NELL1: variants seen among roughly 807,000 people sequenced by gnomAD.
The protein encoded by NELL1 is neural EGFL like 1.
A neutral mutation model predicts 107.4 loss-of-function variants in NELL1; 76 were observed. The ratio of observed to expected loss-of-function variants is 0.71; its 90% CI spans 0.59 to 0.86. The LOEUF is 0.86. Among genes scored for constraint, NELL1 ranks in the 40% least tolerant of loss-of-function variants. The pLI, the probability that NELL1 is intolerant of heterozygous loss-of-function variation, is 0.00. For missense variants in NELL1, 1,024 were observed against 1,005.5 expected, an observed-to-expected ratio of 1.02 and a Z score of -0.25; for synonymous variants, 353 against 341.2, an observed-to-expected ratio of 1.03 and a Z score of -0.38.
chr11:20,701,585 T>C (rs201321243), intron 2 of NELL1, among the ~76,000 whole-genome samples: 16 of 151,330 alleles, frequency 1.1e-4, no homozygotes, highest in South Asian at 2.1e-4. Flanking sequence ...TCCTTGCCCA[T>C]GCCTATGTCC....
chr11:21,037,741 T>C (rs1469494300), intron 12 of NELL1, among the ~76,000 whole-genome samples: 1 of 152,100 alleles, frequency 6.6e-6, no homozygotes, highest in African/African-American at 2.4e-5. Flanking sequence ...CCCTCCCTCC[T>C]TTTTTTGACC....
At chr11:20,789,796 G>C (rs1260490499) in intron 3 of NELL1, among the ~76,000 whole-genome samples, 1 of 152,176 alleles carries the variant, frequency 6.6e-6, no homozygotes. Flanking sequence ...ATAGAGAGGA[G>C]ACCCTGGAGT....
chr11:20,781,179 G>C (rs1856842898), intron 2 of NELL1, among the ~76,000 whole-genome samples: 1 of 152,130 alleles, frequency 6.6e-6, no homozygotes, highest in Non-Finnish European at 1.5e-5. Context: ...CCAGACATGG[G>C]AGCCCACTTA....
intron 12 of NELL1, among the ~76,000 whole-genome samples, chr11:21,031,615 T>G (rs762291125): frequency 6.6e-6 from 1 of 152,236 alleles, no homozygotes; most frequent in Non-Finnish European, 1.5e-5. Flanking sequence ...AATAGCACTT[T>G]GTAAATTTTA....
chr11:21,416,665 C>T (rs150668372), intron 15 of NELL1, among the ~76,000 whole-genome samples: 17 of 152,174 alleles, frequency 1.1e-4, no homozygotes, highest in African/African-American at 4.1e-4. Flanking sequence ...ACTGCTAAAA[C>T]ACATGCAAAA....
chr11:20,928,424 C>A lies in NELL1; in HGVS notation c.942C>A (p.Cys314Ter). 6.2e-7 allele frequency: 1 copy of A among 1,614,068 alleles called. No individual in the cohort carries two copies. The highest frequency in any genetic ancestry group is 1.3e-5 in the African/African-American group (1 of 75,032). The change falls in exon 9 of 20, where the codon TGC (cysteine) becomes TGA (stop). Residue 314 changes from cysteine (C) to a stop codon, truncating the protein, a stop_gained. Coordinates refer to ENST00000357134, the MANE Select transcript of NELL1 (RefSeq NM_006157.5). LOFTEE classifies it high-confidence loss of function. The stretch of plus-strand genomic sequence containing the variant: ...GGATGTCCTGTCCCCCTCTCAATTG[C>A]TCCCCAGACTCCCTCCCAGTGCACA... Reference protein sequence around the residue: ...CRRMSCPPLNCSPDSLPVHIA... With the variant: ...CRRMSCPPLN
chr11:21,573,781 G>C (rs1382697679), intron 19 of NELL1, among the ~76,000 whole-genome samples: 1 of 151,628 alleles, frequency 6.6e-6, no homozygotes, highest in Non-Finnish European at 1.5e-5. Context: ...GGAAGGGAGG[G>C]AGGGAAAGAG....
chr11:21,348,389 A>G (rs1336367051), intron 14 of NELL1, among the ~76,000 whole-genome samples: 5 of 152,366 alleles, frequency 3.3e-5, no homozygotes, highest in African/African-American at 1.2e-4. Context: ...GGGGAGATAC[A>G]GAAATGAGGA....
intron 13 of NELL1, among the ~76,000 whole-genome samples, chr11:21,156,817 A>T (rs1213140713): frequency 6.6e-6 from 1 of 151,906 alleles, no homozygotes; most frequent in Non-Finnish European, 1.5e-5. Context: ...ATTAGGCCAG[A>T]TGCGGTGGCT....
At chr11:20,864,649 C>T (rs1849060842) in intron 4 of NELL1, among the ~76,000 whole-genome samples, 1 of 152,200 alleles carries the variant, frequency 6.6e-6, no homozygotes, top group African/African-American at 2.4e-5. Context: ...TACCTGTCTG[C>T]CTGTTGCTGC....
chr11:20,921,252 T>C (rs1043898533), intron 7 of NELL1, among the ~76,000 whole-genome samples: 14 of 152,172 alleles, frequency 9.2e-5, no homozygotes, highest in African/African-American at 3.4e-4. Flanking sequence ...TTGTCAACCA[T>C]TGATCTAAAA....
chr11:21,152,553 G>T (rs1856142077), intron 13 of NELL1, among the ~76,000 whole-genome samples: 1 of 152,224 alleles, frequency 6.6e-6, no homozygotes, highest in African/African-American at 2.4e-5. Flanking sequence ...CAAAGCTGAG[G>T]CCTATAATAA....
At chr11:21,132,445 C>A (rs1204709646) in intron 13 of NELL1, among the ~76,000 whole-genome samples, 2 of 152,104 alleles carry the variant, frequency 1.3e-5, no homozygotes, top group Non-Finnish European at 2.9e-5. Flanking sequence ...CAAGGGTGAG[C>A]CAGGTACAGA....
At chr11:20,950,042 G>A (rs954787370) in intron 11 of NELL1, among the ~76,000 whole-genome samples, 1 of 152,176 alleles carries the variant, frequency 6.6e-6, no homozygotes, top group Non-Finnish European at 1.5e-5. Flanking sequence ...AGAGGTGGTG[G>A]GAGGGTGTTT....
At chr11:21,564,614 G>C (rs2134006237) in intron 17 of NELL1, among the ~76,000 whole-genome samples, 1 of 151,996 alleles carries the variant, frequency 6.6e-6, no homozygotes, top group South Asian at 2.1e-4. Flanking sequence ...ATGATTTCTT[G>C]CAGTTAAAAA....
chr11:20,846,034 A>G (rs762467923), intron 3 of NELL1, among the ~76,000 whole-genome samples: 3 of 152,238 alleles, frequency 2.0e-5, no homozygotes, highest in Admixed American at 6.5e-5. Context: ...CCCTTAAAAT[A>G]AATGTCTTCT....
chr11:20,883,551 T>C (rs996697008), intron 4 of NELL1, among the ~76,000 whole-genome samples: 20 of 152,200 alleles, frequency 1.3e-4, no homozygotes, highest in Admixed American at 2.6e-4. Context: ...TTCAATTTAT[T>C]AGTAAAATAG....
At chr11:20,706,343 AAAT>A (rs1370862824) in intron 2 of NELL1, among the ~76,000 whole-genome samples, 1 of 152,168 alleles carries the variant, frequency 6.6e-6, no homozygotes, top group Non-Finnish European at 1.5e-5. Flanking sequence ...CAGCCATAAA[AAAT>A]GATGAGTTCA....
chr11:21,516,712 T>C lies in NELL1; in HGVS notation c.1646-17662T>C, dbSNP rs542056081. ...TCTTATAGGATCACTGTTGTATACA[T>C]GGTCTGTCAATCACACACACACACA... On this transcript the variant is annotated intron_variant, in intron 15 of 19. Coordinates refer to ENST00000357134, the MANE Select transcript of NELL1 (RefSeq NM_006157.5). Among the ~76,000 whole-genome samples the C allele has an allele frequency of 7.9e-5, 12 of 151,202 alleles. No individual in the cohort carries two copies. In the South Asian group the frequency reaches 1.7e-3, roughly 21 times the overall value.
Sources: gnomAD v4.1 joint callset for allele counts (sites outside exome capture counted in the v4.1 genomes callset) on GRCh38, gnomAD v4.1.1 for gene constraint, MANE v1.5 for transcripts, NCBI Gene and HGNC (gene_info 2026-07-23, HGNC 2026-07-21) for gene names.